GNAQ: variants seen among roughly 807,000 people sequenced by gnomAD.
GNAQ encodes G protein subunit alpha q.
Under a neutral mutation model 43.9 loss-of-function variants are expected in GNAQ, and 8 were observed. The ratio of observed to expected loss-of-function variants is 0.18; its 90% CI spans 0.11 to 0.33. The LOEUF (loss-of-function observed/expected upper bound fraction) is 0.33. GNAQ is among the 10% of genes least tolerant of loss of function. The probability of loss-of-function intolerance (pLI) is 1.00; values close to 1 mark genes in which losing one functional copy is unlikely to be tolerated. For synonymous variants in GNAQ, 155 were observed against 170.7 expected (o/e 0.91, Z 0.71); for missense variants, 158 against 450.8 (o/e 0.35, Z 5.88).
At chr9:77,853,785 A>AAC (rs1248471253) in intron 2 of GNAQ, among the ~76,000 whole-genome samples, 62 of 150,252 alleles carry the variant, frequency 4.1e-4, no homozygotes, top group Non-Finnish European at 2.2e-4. Flanking sequence ...AAAAAAAAAA[A>AAC]AAAAAAAAAA....
chr9:77,997,188 G>A (rs994171893), intron 1 of GNAQ, among the ~76,000 whole-genome samples: 3 of 152,218 alleles, frequency 2.0e-5, no homozygotes, highest in Non-Finnish European at 2.9e-5. Flanking sequence ...ATCCTAAAAT[G>A]TCATTTGTGA....
chr9:77,828,436 T>C (rs1564123048), intron 2 of GNAQ, among the ~76,000 whole-genome samples: 1 of 152,288 alleles, frequency 6.6e-6, no homozygotes, highest in Middle Eastern at 3.4e-3. Context: ...TCCAGAATCC[T>C]ACCCATCCTC....
intron 1 of GNAQ, among the ~76,000 whole-genome samples, chr9:77,997,029 T>C (rs976248255): frequency 3.9e-5 from 6 of 152,250 alleles, no homozygotes; most frequent in Non-Finnish European, 8.8e-5. Flanking sequence ...TAACAATCAC[T>C]GTGATTTATC....
At chr9:77,808,779 G>A (rs543624848) in intron 3 of GNAQ, among the ~76,000 whole-genome samples, 1 of 152,202 alleles carries the variant, frequency 6.6e-6, no homozygotes, top group African/African-American at 2.4e-5. Flanking sequence ...GTGAGTAGCA[G>A]AGGGAATTCC....
rs989129589 is a variant in GNAQ, at chr9:77,718,833, G to C, written c.*2490C>G. The C allele has an allele frequency of 1.5e-5, 3 of 205,406 alleles. No individual in the cohort carries two copies. The highest frequency in any genetic ancestry group is 2.8e-5 in the Non-Finnish European group (3 of 108,268). 12.7% of individuals were successfully genotyped at this position (205,406 alleles called of 1,614,324 possible). A position where few individuals can be genotyped will look rare whatever the true frequency, so the allele number is the denominator to read the frequency against. Reference sequence around the variant, plus strand: ...AACATTTCCTTAGTGGATCACAATAGCTTCTAAAACTGCCTTTCTAGTAAA... The same window carrying C: ...AACATTTCCTTAGTGGATCACAATACCTTCTAAAACTGCCTTTCTAGTAAA... On this transcript the variant is annotated 3_prime_UTR_variant, in exon 7 of 7. Coordinates refer to ENST00000286548, the MANE Select transcript of GNAQ (RefSeq NM_002072.5).
chr9:77,859,389 T>C (rs1298978223), intron 2 of GNAQ, among the ~76,000 whole-genome samples: 4 of 152,230 alleles, frequency 2.6e-5, no homozygotes, highest in African/African-American at 9.6e-5. Flanking sequence ...TAATGATAAA[T>C]TTAATAATTT....
At chr9:77,765,777 A>G (rs543731200) in intron 5 of GNAQ, among the ~76,000 whole-genome samples, 1 of 152,232 alleles carries the variant, frequency 6.6e-6, no homozygotes, top group Non-Finnish European at 1.5e-5. Flanking sequence ...AACAGAACGG[A>G]AAGTAGGAAT....
At chr9:78,028,678 C>T (rs763655564) in intron 1 of GNAQ, among the ~76,000 whole-genome samples, 4 of 152,130 alleles carry the variant, frequency 2.6e-5, no homozygotes, top group Non-Finnish European at 4.4e-5. Context: ...CTTATAATCT[C>T]CTCTAGATAG....
At chr9:77,992,422 T>C (rs2118525567) in intron 1 of GNAQ, among the ~76,000 whole-genome samples, 1 of 152,328 alleles carries the variant, frequency 6.6e-6, no homozygotes, top group East Asian at 1.9e-4. Flanking sequence ...ATTTTTATTC[T>C]GAAAAGGATG....
At chr9:77,996,465 G>A (rs538515514) in intron 1 of GNAQ, among the ~76,000 whole-genome samples, 108 of 152,068 alleles carry the variant, frequency 7.1e-4, no homozygotes, top group African/African-American at 2.5e-3. Context: ...GGATCACGAG[G>A]TCAGGAATTC....
chr9:77,898,620 AATGGATGG>A (rs3083216), intron 2 of GNAQ, among the ~76,000 whole-genome samples: 49 of 150,688 alleles, frequency 3.3e-4, no homozygotes, highest in African/African-American at 8.7e-4. Flanking sequence ...TGAATGAATA[AATGGATGG>A]ATGGATGGAT....
chr9:77,753,310 C>G (rs564128145), intron 5 of GNAQ, among the ~76,000 whole-genome samples: 90 of 152,260 alleles, frequency 5.9e-4, no homozygotes, highest in African/African-American at 2.1e-3. Flanking sequence ...CACCCCCACC[C>G]ACCCCCTGAA....
At chr9:77,738,867 T>C (rs186377628) in intron 5 of GNAQ, among the ~76,000 whole-genome samples, 6 of 152,248 alleles carry the variant, frequency 3.9e-5, no homozygotes, top group Non-Finnish European at 7.4e-5. Context: ...CTCAACATTC[T>C]AGTCTAAGCA....
At chr9:77,990,789 G>A (rs1408513874) in intron 1 of GNAQ, among the ~76,000 whole-genome samples, 1 of 152,166 alleles carries the variant, frequency 6.6e-6, no homozygotes, top group Non-Finnish European at 1.5e-5. Flanking sequence ...CATGAAAGTA[G>A]AGTGTAGTTA....
chr9:77,995,289 G>C (rs757612070), intron 1 of GNAQ, among the ~76,000 whole-genome samples: 1 of 152,100 alleles, frequency 6.6e-6, no homozygotes, highest in Non-Finnish European at 1.5e-5. Flanking sequence ...TTCTATGACC[G>C]TAAGGTCCAC....
intron 4 of GNAQ, among the ~76,000 whole-genome samples, chr9:77,795,732 C>T (rs1296518098): frequency 1.3e-5 from 2 of 152,174 alleles, no homozygotes; most frequent in East Asian, 1.9e-4. Context: ...TGGCTCTTCC[C>T]TAATGCCAAG....
chr9:77,969,033 T>C (rs1326628130), intron 1 of GNAQ, among the ~76,000 whole-genome samples: 2 of 152,206 alleles, frequency 1.3e-5, no homozygotes, highest in East Asian at 3.9e-4. Context: ...CAACCAATCA[T>C]GGTAGGACTT....
In GNAQ at chr9:78,028,298, C is replaced by A. The variant is rs574639669; in HGVS notation, c.136+2802G>T. Reference sequence around the variant, plus strand: ...GTGGTAGATTTCAGGGTTCACGTTTCTAAAGTTAAAATAAAAATATATAAT... The same window carrying A: ...GTGGTAGATTTCAGGGTTCACGTTTATAAAGTTAAAATAAAAATATATAAT... On this transcript the variant is annotated intron_variant, in intron 1 of 6. Coordinates refer to ENST00000286548, the MANE Select transcript of GNAQ (RefSeq NM_002072.5). Among the ~76,000 whole-genome samples, 19 of 152,052 alleles carry A rather than the reference C, an allele frequency of 1.2e-4. No individual in the cohort carries two copies. In the South Asian group the frequency reaches 3.1e-3, roughly 25 times the overall value.
chr9:77,731,771 T>C (rs1447206797), intron 5 of GNAQ, among the ~76,000 whole-genome samples: 1 of 152,138 alleles, frequency 6.6e-6, no homozygotes, highest in Non-Finnish European at 1.5e-5. Context: ...AGCTGGAAGG[T>C]ACAGAAAGCT....
Sources: allele counts gnomAD v4.1 joint callset (sites outside exome capture counted in the v4.1 genomes callset), GRCh38; gene constraint gnomAD v4.1.1; transcripts MANE v1.5; gene names NCBI Gene and HGNC (gene_info 2026-07-23, HGNC 2026-07-21).